SLC20A2: variants seen among roughly 807,000 people sequenced by gnomAD.
SLC20A2 encodes the protein solute carrier family 20 member 2, also known as sodium-dependent phosphate transporter 2.
Under a neutral mutation model 61.0 loss-of-function variants are expected in SLC20A2, and 30 were observed. That is an observed-to-expected ratio of 0.49 (90% confidence interval 0.37 to 0.67). SLC20A2 has a LOEUF of 0.67. SLC20A2 is among the 30% of genes least tolerant of loss of function. SLC20A2 has a pLI of 0.00. For synonymous variants in SLC20A2, 351 were observed against 353.3 expected (o/e 0.99, Z 0.07); for missense variants, 626 against 866.4 (o/e 0.72, Z 3.48).
upstream of SLC20A2, among the ~76,000 whole-genome samples, chr8:42,503,441 C>G (rs932896217): frequency 6.6e-6 from 1 of 152,124 alleles, no homozygotes; most frequent in African/African-American, 2.4e-5. Context: ...TGAATGTCCA[C>G]TAATGAATGA....
Position 42,528,560 on chromosome 8 carries a change from T to C in SLC20A2, c.-265+13261A>G, listed in dbSNP as rs148256702. On this transcript the variant is annotated intron_variant, in intron 1 of 10. Coordinates refer to the SLC20A2 transcript ENST00000342228. ...TTGAAAAGGCAGTACAGAAAAGTGG[T>C]TGAAAGCACAGGATTTAATCAGACT... Among the ~76,000 whole-genome samples the C allele has an allele frequency of 7.2e-5, 11 of 152,296 alleles. No homozygotes were observed. The East Asian group carries it at 1.9e-3, about 27-fold the overall frequency.
chr8:42,486,828 T>C (rs1244945265), intron 1 of SLC20A2, among the ~76,000 whole-genome samples: 1 of 152,156 alleles, frequency 6.6e-6, no homozygotes, highest in Non-Finnish European at 1.5e-5. Context: ...GTGTTCTTCA[T>C]CAAATTTGGG....
intron 2 of SLC20A2, among the ~76,000 whole-genome samples, chr8:42,468,085 G>T (rs1469012793): frequency 6.6e-6 from 1 of 151,926 alleles, no homozygotes; most frequent in Non-Finnish European, 1.5e-5. Flanking sequence ...TGTATTTTTA[G>T]TAGAGACGGG....
At chr8:42,483,069 G>C (rs1396153756) in intron 1 of SLC20A2, among the ~76,000 whole-genome samples, 1 of 149,900 alleles carries the variant, frequency 6.7e-6, no homozygotes, top group Non-Finnish European at 1.5e-5. Context: ...AACTGGGCTG[G>C]GCACAGTGGC....
intron 10 of SLC20A2, among the ~76,000 whole-genome samples, chr8:42,418,462 C>T (rs570031634): frequency 1.3e-5 from 2 of 152,284 alleles, no homozygotes; most frequent in African/African-American, 4.8e-5. Flanking sequence ...TCTCAGCTCA[C>T]TGCAAGCTAT....
intron 4 of SLC20A2, among the ~76,000 whole-genome samples, chr8:42,461,267 G>A (rs1806676455): frequency 1.3e-5 from 2 of 152,094 alleles, no homozygotes; most frequent in Admixed American, 6.6e-5. Context: ...GATGTATCAC[G>A]TGAAAAGAAC....
upstream of SLC20A2, among the ~76,000 whole-genome samples, chr8:42,505,747 CG>C (rs1164917654): frequency 6.6e-6 from 1 of 151,488 alleles, no homozygotes; most frequent in African/African-American, 2.4e-5. Context: ...AAAACTTAGC[CG>C]GGCACGGTCA....
At chr8:42,489,005 T>C (rs1809291658) in intron 1 of SLC20A2, among the ~76,000 whole-genome samples, 1 of 145,432 alleles carries the variant, frequency 6.9e-6, no homozygotes, top group Admixed American at 7.2e-5. Context: ...AATGGTGCAG[T>C]CTTGGCTCAC....
At chr8:42,512,830 A>G (rs1291784358) in intron 1 of SLC20A2, among the ~76,000 whole-genome samples, 1 of 152,236 alleles carries the variant, frequency 6.6e-6, no homozygotes, top group Non-Finnish European at 1.5e-5. Context: ...GCAGATCAGA[A>G]CTATGCATTC....
chr8:42,476,113 TTG>T (rs1377318441), intron 1 of SLC20A2, among the ~76,000 whole-genome samples: 5 of 136,636 alleles, frequency 3.7e-5, no homozygotes, highest in African/African-American at 8.7e-5. Context: ...TTTTTTTTTT[TTG>T]ACACGAAATC....
chr8:42,427,391 T>C (rs1803488994), intron 10 of SLC20A2, among the ~76,000 whole-genome samples: 1 of 152,140 alleles, frequency 6.6e-6, no homozygotes, highest in African/African-American at 2.4e-5. Flanking sequence ...ATCTATCACA[T>C]GTGGCTGTGT....
chr8:42,435,590 G>A (rs755400631), intron 8 of SLC20A2, among the ~76,000 whole-genome samples: 3 of 152,082 alleles, frequency 2.0e-5, no homozygotes, highest in South Asian at 2.1e-4. Context: ...CCAGGAGGCC[G>A]CCCTGCTTCC....
In SLC20A2 at chr8:42,417,647, ACAGTGT is replaced by A. The variant is rs760624317; in HGVS notation, c.*150_*155del. The A allele has an allele frequency of 1.5e-6, 1 of 671,298 alleles. No homozygotes were observed. Among genetic ancestry groups the A allele is most frequent in the Non-Finnish European group, 2.5e-6 (1 of 407,732 alleles). The allele number at this position is 671,298 out of a possible 1,614,324, so 41.6% of individuals were successfully genotyped here. On this transcript the variant is annotated 3_prime_UTR_variant, in exon 11 of 11. Transcript: ENST00000520262. ...AGGTGAGTCTCCGCAGCCTGGGTGA[ACAGTGT>A]GGGATGGAGCCTCCTGGAAGGGAGG...
intron 10 of SLC20A2, among the ~76,000 whole-genome samples, chr8:42,426,000 C>G (rs1440185717): frequency 6.6e-6 from 1 of 152,088 alleles, no homozygotes; most frequent in Non-Finnish European, 1.5e-5. Flanking sequence ...GGCGCCACTG[C>G]ACTCCAGCCT....
At chr8:42,485,422 G>A (rs1020917270) in intron 1 of SLC20A2, among the ~76,000 whole-genome samples, 8 of 149,154 alleles carry the variant, frequency 5.4e-5, no homozygotes, top group African/African-American at 2.0e-4. Context: ...CGGGTGAATC[G>A]CCTGAGGTCA....
rs748633701 is a variant in SLC20A2, at chr8:42,439,533, G to A, written c.851C>T (p.Thr284Ile). ...LPGAKANDDSTIPLTGAAGET... is the reference protein window; with the variant it reads ...LPGAKANDDSIIPLTGAAGET... ...CCCTGCTGCTCCCGTGAGCGGGATG[G>A]TGCTGTCATCATTAGCCTTGGCACC... Residue 284 changes from threonine to isoleucine, a missense_variant, in exon 7 of 11, where the codon ACC (threonine) becomes ATC (isoleucine). Transcript: ENST00000520262. 23 of 1,614,088 alleles carry A rather than the reference G, an allele frequency of 1.4e-5. No homozygotes were observed. Among genetic ancestry groups the A allele is most frequent in the African/African-American group, 2.7e-5 (2 of 74,930 alleles).
At chr8:42,518,022 C>T (rs914474027) in intron 1 of SLC20A2, among the ~76,000 whole-genome samples, 1 of 152,332 alleles carries the variant, frequency 6.6e-6, no homozygotes, top group African/African-American at 2.4e-5. Context: ...CTCACTGCAA[C>T]CTCCGCCTCC....
chr8:42,431,974 G>C (rs1803904793), intron 8 of SLC20A2, among the ~76,000 whole-genome samples: 1 of 152,254 alleles, frequency 6.6e-6, no homozygotes, highest in Non-Finnish European at 1.5e-5. Flanking sequence ...GCAAGGAGAT[G>C]AATGTTGTTT....
At chr8:42,485,234 G>T (rs149906301) in intron 1 of SLC20A2, among the ~76,000 whole-genome samples, 1 of 152,128 alleles carries the variant, frequency 6.6e-6, no homozygotes, top group Non-Finnish European at 1.5e-5. Flanking sequence ...GATTTCCCTG[G>T]GTACACTCAC....
Sources: allele counts gnomAD v4.1 joint callset (sites outside exome capture counted in the v4.1 genomes callset), GRCh38; gene constraint gnomAD v4.1.1; transcripts MANE v1.5; gene names NCBI Gene and HGNC (gene_info 2026-07-23, HGNC 2026-07-21).